The following ARSL variants were observed in gnomAD, a reference collection of about 807,000 sequenced individuals.
ARSL encodes arylsulfatase E (chondrodysplasia punctata 1).
ARSL carries 4 observed loss-of-function variants against 31.1 expected under a neutral mutation model. The ratio of observed to expected loss-of-function variants is 0.13; its 90% confidence interval spans 0.06 to 0.29. The LOEUF (loss-of-function observed/expected upper bound fraction) is 0.29. ARSL is among the 10% of genes least tolerant of loss of function. ARSL has a pLI of 1.00. For missense variants in ARSL, 312 were observed against 497.8 expected, an observed-to-expected ratio of 0.63 and a Z score of 3.55; for synonymous variants, 198 against 209.9, an observed-to-expected ratio of 0.94 and a Z score of 0.49.
chrX:2,954,375 A>G (rs2089498541), intron 4 of ARSL, among the ~76,000 whole-genome samples: 1 of 111,797 alleles, frequency 8.9e-6, no homozygotes, highest in South Asian at 3.8e-4. Flanking sequence ...GGCTCACTGC[A>G]ATCTCCGCCT....
chrX:2,938,388 C>CTT, intron 8 of ARSL, 131 bp from the exon 9 acceptor site: 1 of 907,048 alleles, frequency 1.1e-6, no homozygotes, highest in Non-Finnish European at 1.5e-6. Flanking sequence ...ATTTCTCTCT[C>CTT]TCTCTCTCTC....
rs1415076177 is a variant in ARSL, at chrX:2,935,687, C to CT, written c.1412-498dup. On this transcript the variant is annotated intron_variant, in intron 10 of 10. Transcript: ENST00000381134. ...TCAGTTTTTTCTTTTCTTTTCTTTT[C>CT]TTTTCTTTTTTTTTTTTTTTATTTG... 3.0e-4 allele frequency among the ~76,000 whole-genome samples: 12 copies of CT among 39,756 alleles called. No individual in the cohort carries two copies. The South Asian group carries it at 0.013, about 44-fold the overall frequency. The allele number at this position is 39,756 out of a possible 115,157, so 34.5% of individuals were successfully genotyped here.
intron 5 of ARSL, 99 bp from the exon 6 acceptor site, chrX:2,949,826 T>G: frequency 2.1e-6 from 2 of 954,199 alleles, no homozygotes; most frequent in South Asian, 4.2e-5. Context: ...TGTTAGACAC[T>G]GGGGGGCCAG....
At chrX:2,953,405 CTTTGCCTAGTGGATTGCATTT>C in intron 4 of ARSL, 140 bp from the exon 5 acceptor site, 1 of 733,816 alleles carries the variant, frequency 1.4e-6, no homozygotes, top group Non-Finnish European at 1.9e-6. Context: ...TCCTATATGA[CTTTGCCTAGTGGATTGCATTT>C]TTGGCAGCAA....
chrX:2,949,832 G>A, intron 5 of ARSL, 105 bp from the exon 6 acceptor site: 22 of 919,938 alleles, frequency 2.4e-5, no homozygotes, highest in Non-Finnish European at 2.9e-5. Flanking sequence ...ACACTGGGGG[G>A]CCAGGAGATT....
At chrX:2,960,739 G>T (rs1161945335) in intron 1 of ARSL, among the ~76,000 whole-genome samples, 1 of 111,429 alleles carries the variant, frequency 9.0e-6, no homozygotes, top group African/African-American at 3.3e-5. Context: ...TGATCACAAA[G>T]TGATGAGAGA....
chrX:2,966,054 A>G (rs5982948), upstream of ARSL, among the ~76,000 whole-genome samples: 1,450 of 112,297 alleles, frequency 0.013, 18 homozygotes, highest in African/African-American at 0.045. Context: ...GGTTTCATAG[A>G]GTTCCACCTG....
intron 6 of ARSL, among the ~76,000 whole-genome samples, chrX:2,946,638 G>A (rs375175074): frequency 9.5e-6 from 1 of 104,970 alleles, no homozygotes; most frequent in Middle Eastern, 5.0e-3. Flanking sequence ...GATTACAGGC[G>A]TGAGCCACCA....
intron 8 of ARSL, among the ~76,000 whole-genome samples, chrX:2,941,451 C>A (rs1395582009): frequency 6.3e-5 from 7 of 110,324 alleles, no homozygotes; most frequent in African/African-American, 2.3e-4. Context: ...GACAGAGTTT[C>A]ACCATGTTGG....
intron 8 of ARSL, among the ~76,000 whole-genome samples, chrX:2,939,459 G>C (rs188892813): frequency 8.9e-6 from 1 of 112,359 alleles, no homozygotes; most frequent in Admixed American, 9.5e-5. Context: ...CAGAGAACCA[G>C]ATTGGGTAGA....
chrX:2,947,582 T>C (rs1449216798), intron 6 of ARSL, among the ~76,000 whole-genome samples: 1 of 112,122 alleles, frequency 8.9e-6, no homozygotes, highest in African/African-American at 3.2e-5. Flanking sequence ...CTAAGAGCAA[T>C]GGTGAAGGTG....
chrX:2,934,870 G>A lies in ARSL; in HGVS notation c.1732C>T (p.Pro578Ser), dbSNP rs28935474. ...TCTTCCCTAAGGCACCAGCAGAGGG[G>A]GAACGGGCCACAGCAGGGCTGCAGC... is the stretch of plus-strand genomic sequence containing the variant. Reference protein sequence around the residue: ...PWLQPCCGPFPLCWCLREDDP... With the variant: ...PWLQPCCGPFSLCWCLREDDP... The change falls in exon 11 of 11, where the codon CCC becomes TCC. Residue 578 changes from proline to serine, a missense_variant. Pro to Ser is a moderately conservative substitution (Grantham distance 74). Transcript: ENST00000381134. 4.2e-6 allele frequency: 5 copies of A among 1,199,562 alleles called. No homozygotes were observed. In the South Asian group the frequency reaches 8.9e-5, roughly 21 times the overall value.
chrX:2,946,205 A>T (rs969340611), intron 6 of ARSL, 71 bp from the exon 7 acceptor site: 9 of 1,029,101 alleles, frequency 8.7e-6, no homozygotes, highest in Non-Finnish European at 1.2e-5. Flanking sequence ...GTAGATACTA[A>T]ATACGGATCT....
chrX:2,936,437 C>T (rs2089202930), intron 10 of ARSL, among the ~76,000 whole-genome samples: 1 of 111,689 alleles, frequency 9.0e-6, no homozygotes, highest in Admixed American at 9.5e-5. Flanking sequence ...AAAAGTTGCA[C>T]TTCATATAGT....
intron 3 of ARSL, among the ~76,000 whole-genome samples, chrX:2,957,582 G>A (rs756709492): frequency 1.8e-5 from 2 of 108,730 alleles, no homozygotes; most frequent in Non-Finnish European, 1.9e-5. Context: ...GGTGGCGGGC[G>A]CCTGTAATCC....
intron 4 of ARSL, among the ~76,000 whole-genome samples, chrX:2,953,543 G>T (rs866053700): frequency 3.6e-5 from 4 of 111,675 alleles, no homozygotes; most frequent in Non-Finnish European, 7.5e-5. Flanking sequence ...AATTTAAATG[G>T]TTTTTTGTTT....
chrX:2,955,266 C>A, intron 4 of ARSL, 150 bp downstream of exon 4: 1 of 742,954 alleles, frequency 1.3e-6, no homozygotes. Flanking sequence ...ATCTTTTGAG[C>A]CCAGCATTTC....
upstream of ARSL, chrX:2,964,651 G>A (rs966635689): frequency 1.4e-4 from 19 of 135,748 alleles, no homozygotes; most frequent in South Asian, 3.3e-4. Context: ...TGCCTGTGCT[G>A]TTACACAGGG....
rs962381756 is a variant in ARSL at position 2,964,313 on chromosome X, C to T, written c.-110G>A. On this transcript the variant is annotated 5_prime_UTR_variant, in exon 1 of 11. Transcript: ENST00000381134. Reference sequence around the variant, plus strand: ...CAAGCGTGAAGGCAGAGAGCACTTGCACAAGGCTTTGAGCTGGGAATGATT... The same window carrying T: ...CAAGCGTGAAGGCAGAGAGCACTTGTACAAGGCTTTGAGCTGGGAATGATT... 1.6e-5 allele frequency: 12 copies of T among 752,025 alleles called. No individual in the cohort carries two copies. The African/African-American group carries it at 2.8e-4, about 17-fold the overall frequency. The allele number at this position is 752,025 out of a possible 1,213,427, so 62.0% of individuals were successfully genotyped here. A position where few individuals can be genotyped will look rare whatever the true frequency, so the allele number is the denominator to read the frequency against.
Sources: allele counts gnomAD v4.1 joint callset (sites outside exome capture counted in the v4.1 genomes callset), GRCh38; gene constraint gnomAD v4.1.1; transcripts MANE v1.5; gene names NCBI Gene and HGNC (gene_info 2026-07-23, HGNC 2026-07-21).